Variants in ADGRB3 observed in about 807,000 individuals in gnomAD.
ADGRB3 encodes the protein adhesion G protein-coupled receptor B3.
Under a neutral mutation model 193.4 loss-of-function variants are expected in ADGRB3, and 37 were observed. The ratio of observed to expected loss-of-function variants is 0.19; its 90% CI spans 0.15 to 0.25. The LOEUF (loss-of-function observed/expected upper bound fraction) is 0.25. Ranked by LOEUF, ADGRB3 falls within the 10% of genes least tolerant of loss-of-function variation. ADGRB3 has a pLI of 1.00. For missense variants in ADGRB3, 1,637 were observed against 1,852.9 expected (o/e 0.88, Z 2.14); for synonymous variants, 690 against 644.2 (o/e 1.07, Z -1.08).
At chr6:69,268,480 G>A (rs1767097292) in intron 20 of ADGRB3, among the ~76,000 whole-genome samples, 1 of 152,054 alleles carries the variant, frequency 6.6e-6, no homozygotes, top group Admixed American at 6.6e-5. Context: ...AGCAATCACC[G>A]CTTTGACAAG....
chr6:69,129,949 T>A (rs1773959689), intron 17 of ADGRB3, among the ~76,000 whole-genome samples: 1 of 152,160 alleles, frequency 6.6e-6, no homozygotes, highest in Admixed American at 6.5e-5. Context: ...TATAACCAAC[T>A]TTTATAGAAT....
At chr6:68,886,214 T>C (rs1170672417) in intron 3 of ADGRB3, among the ~76,000 whole-genome samples, 1 of 152,118 alleles carries the variant, frequency 6.6e-6, no homozygotes, top group Admixed American at 6.5e-5. Context: ...TGCTTGTACT[T>C]GCAAGCTGGT....
At chr6:68,928,043 G>T (rs1436864298) in intron 3 of ADGRB3, among the ~76,000 whole-genome samples, 1 of 151,072 alleles carries the variant, frequency 6.6e-6, no homozygotes, top group Admixed American at 6.6e-5. Flanking sequence ...CTACGGTGTA[G>T]GATATTGAAA....
At chr6:68,874,348 C>T (rs367983991) in intron 3 of ADGRB3, among the ~76,000 whole-genome samples, 2 of 152,060 alleles carry the variant, frequency 1.3e-5, no homozygotes, top group Non-Finnish European at 2.9e-5. Flanking sequence ...CTAGGCTTGA[C>T]TGTTATAATT....
intron 3 of ADGRB3, among the ~76,000 whole-genome samples, chr6:68,658,247 T>C (rs796655919): frequency 2.0e-4 from 30 of 151,438 alleles, no homozygotes; most frequent in African/African-American, 6.0e-4. Context: ...AAGTTCATTC[T>C]CTGAGCCCTT....
At chr6:69,338,144 A>G (rs9454730) in intron 24 of ADGRB3, among the ~76,000 whole-genome samples, 38 of 152,274 alleles carry the variant, frequency 2.5e-4, no homozygotes, top group African/African-American at 8.9e-4. Flanking sequence ...TGGAGTATGA[A>G]TTGTTTGAAT....
At chr6:68,813,566 CT>C (rs201511295) in intron 3 of ADGRB3, among the ~76,000 whole-genome samples, 304 of 145,138 alleles carry the variant, frequency 2.1e-3, no homozygotes, top group South Asian at 7.4e-3. Context: ...TAATGGAATG[CT>C]TTTTTTTTTT....
chr6:68,888,497 GTTTA>G (rs1396574475), intron 3 of ADGRB3, among the ~76,000 whole-genome samples: 3 of 149,782 alleles, frequency 2.0e-5, no homozygotes, highest in Non-Finnish European at 4.4e-5. Context: ...TTCAATTTAT[GTTTA>G]TTTATCACCA....
intron 3 of ADGRB3, among the ~76,000 whole-genome samples, chr6:68,763,945 T>C (rs948234893): frequency 2.0e-5 from 3 of 152,154 alleles, no homozygotes; most frequent in Middle Eastern, 3.4e-3. Flanking sequence ...TGTTGGAGTG[T>C]GTCTGTAGTC....
chr6:68,699,328 C>G (rs1765205089), intron 3 of ADGRB3, among the ~76,000 whole-genome samples: 2 of 152,030 alleles, frequency 1.3e-5, no homozygotes, highest in South Asian at 4.1e-4. Context: ...GTAAATCCAG[C>G]TAATGTGTTC....
At chr6:68,649,002 T>G (rs1768282762) in intron 3 of ADGRB3, among the ~76,000 whole-genome samples, 1 of 151,746 alleles carries the variant, frequency 6.6e-6, no homozygotes, top group Non-Finnish European at 1.5e-5. Flanking sequence ...GCACATATTG[T>G]TTTGTATGGG....
At chr6:68,945,040 C>A (rs537311799) in intron 6 of ADGRB3, among the ~76,000 whole-genome samples, 71 of 152,202 alleles carry the variant, frequency 4.7e-4, no homozygotes, top group Non-Finnish European at 7.8e-4. Flanking sequence ...AGTTAATGTC[C>A]TGAACTATGA....
chr6:68,763,435 C>T (rs1766450815), intron 3 of ADGRB3, among the ~76,000 whole-genome samples: 1 of 152,166 alleles, frequency 6.6e-6, no homozygotes, highest in African/African-American at 2.4e-5. Flanking sequence ...AGACATGCTA[C>T]TCCTATTTTA....
intron 3 of ADGRB3, among the ~76,000 whole-genome samples, chr6:68,882,706 G>A (rs1582280595): frequency 1.3e-5 from 2 of 152,040 alleles, no homozygotes; most frequent in East Asian, 3.9e-4. Context: ...TTATTTCAGG[G>A]TATTCTCTGT....
In ADGRB3 at chr6:68,638,944, T is replaced by G. The variant is rs1374555932; in HGVS notation, c.269T>G (p.Phe90Cys). Residue 90 changes from phenylalanine to cysteine, a missense_variant, in exon 3 of 32, where the codon TTT (phenylalanine) becomes TGT (cysteine). By Grantham distance (205) the Phe-to-Cys change is radical. Around this residue, in one of 7 missense-constraint regions of ADGRB3, gnomAD observed 365 missense variants for 409.8 expected, o/e 0.89. Coordinates refer to ENST00000370598, the MANE Select transcript of ADGRB3 (RefSeq NM_001704.3). Reference sequence around the variant, plus strand: ...AACTTTTCACTCCTGGCTTATCAGTTTGATCATTTTTCCCATGAAAAAATA... The same window carrying G: ...AACTTTTCACTCCTGGCTTATCAGTGTGATCATTTTTCCCATGAAAAAATA... ...CSNFSLLAYQ[F>C]DHFSHEKIKD... is the part of the protein sequence containing the mutation. 6.2e-7 allele frequency: 1 copy of G among 1,614,150 alleles called. No homozygotes were observed. Among genetic ancestry groups the G allele is most frequent in the Admixed American group, 1.7e-5 (1 of 60,018 alleles).
chr6:69,046,983 G>A (rs1016637872), intron 13 of ADGRB3, among the ~76,000 whole-genome samples: 3 of 152,068 alleles, frequency 2.0e-5, no homozygotes, highest in Middle Eastern at 3.4e-3. Context: ...TCAGCCTCCC[G>A]AGTAGCTGGG....
At chr6:68,750,488 A>C (rs913870796) in intron 3 of ADGRB3, among the ~76,000 whole-genome samples, 2 of 152,224 alleles carry the variant, frequency 1.3e-5, no homozygotes, top group African/African-American at 4.8e-5. Flanking sequence ...GCATGTTATC[A>C]AATGTAGTTC....
At chr6:69,255,446 C>A (rs1766739811) in intron 20 of ADGRB3, among the ~76,000 whole-genome samples, 1 of 152,200 alleles carries the variant, frequency 6.6e-6, no homozygotes, top group African/African-American at 2.4e-5. Context: ...ACTTGCATTT[C>A]TCTGATGTCC....
At chr6:68,780,486 A>G (rs564325821) in intron 3 of ADGRB3, among the ~76,000 whole-genome samples, 1 of 152,248 alleles carries the variant, frequency 6.6e-6, no homozygotes, top group Admixed American at 6.6e-5. Context: ...AAAGGAAGTC[A>G]GGAGGAAAAT....
Sources: gnomAD v4.1 joint callset for allele counts (sites outside exome capture counted in the v4.1 genomes callset) on GRCh38, gnomAD v4.1.1 for gene constraint, gnomAD v4.1.1 regional missense constraint, MANE v1.5 for transcripts, NCBI Gene and HGNC (gene_info 2026-07-23, HGNC 2026-07-21) for gene names.